CDH12: variants seen among roughly 807,000 people sequenced by gnomAD.
CDH12 encodes the protein cadherin 12.
In CDH12, 41 loss-of-function variants were observed where a neutral mutation model predicts 74.1. The ratio of observed to expected loss-of-function variants is 0.55; its 90% CI spans 0.43 to 0.72. CDH12 has a LOEUF of 0.72. Ranked by LOEUF, CDH12 falls within the 30% of genes least tolerant of loss-of-function variation. The probability of loss-of-function intolerance (pLI) is 0.00; values close to 1 mark genes in which losing one functional copy is unlikely to be tolerated. For missense variants in CDH12, 945 were observed against 977.2 expected (o/e 0.97, Z 0.44); for synonymous variants, 399 against 355.0 (o/e 1.12, Z -1.39).
chr5:22,602,429 G>T (rs1736895550), intron 1 of CDH12, among the ~76,000 whole-genome samples: 1 of 152,016 alleles, frequency 6.6e-6, no homozygotes, highest in African/African-American at 2.4e-5. Context: ...ACAAACAAAA[G>T]GAAAGCAAGT....
intron 3 of CDH12, among the ~76,000 whole-genome samples, chr5:22,265,327 A>G (rs917189646): frequency 1.3e-5 from 2 of 152,184 alleles, no homozygotes; most frequent in African/African-American, 4.8e-5. Flanking sequence ...TTCCCTTGTC[A>G]ATTAGTTTCA....
chr5:22,027,185 G>A (rs1205971815), intron 5 of CDH12, among the ~76,000 whole-genome samples: 1 of 152,052 alleles, frequency 6.6e-6, no homozygotes, highest in Non-Finnish European at 1.5e-5. Context: ...TGGTGGATAA[G>A]CTTTTTGATG....
chr5:22,384,515 A>G (rs13358811), intron 3 of CDH12, among the ~76,000 whole-genome samples: 106,712 of 128,388 alleles, frequency 0.83, 44,544 homozygotes, highest in African/African-American at 0.86. Flanking sequence ...CACAGAGCGA[A>G]ACTCCGTCTC....
At chr5:22,211,400 GGTAA>G (rs1468438757) in intron 4 of CDH12, among the ~76,000 whole-genome samples, 1 of 151,948 alleles carries the variant, frequency 6.6e-6, no homozygotes, top group Non-Finnish European at 1.5e-5. Context: ...ACAATATCAA[GGTAA>G]GTGATTGCTA....
Position 22,628,240 on chromosome 5 carries a change from C to T in CDH12, c.-522-122876G>A, listed in dbSNP as rs968925435. Among the ~76,000 whole-genome samples the T allele has an allele frequency of 3.9e-5, 6 of 152,070 alleles. No homozygotes were observed. The East Asian group carries it at 9.7e-4, about 24-fold the overall frequency. ...TTCAGGACTCAAACTCGACACTTGA[C>T]CATATAGACCTAACAGACATCTAAA... On this transcript the variant is annotated intron_variant, in intron 1 of 14. Coordinates refer to ENST00000382254, the MANE Select transcript of CDH12 (RefSeq NM_004061.5).
chr5:22,722,786 G>A (rs1182222237), intron 1 of CDH12, among the ~76,000 whole-genome samples: 1 of 152,152 alleles, frequency 6.6e-6, no homozygotes, highest in Non-Finnish European at 1.5e-5. Context: ...GAATGAATGT[G>A]CAGATGAAAA....
chr5:22,177,682 C>G (rs1357865381), intron 4 of CDH12, among the ~76,000 whole-genome samples: 10 of 152,064 alleles, frequency 6.6e-5, no homozygotes. Flanking sequence ...AGCAACCTCT[C>G]TCTGTGAGAC....
intron 3 of CDH12, among the ~76,000 whole-genome samples, chr5:22,385,823 A>G (rs1354556859): frequency 6.6e-6 from 1 of 151,820 alleles, no homozygotes; most frequent in Non-Finnish European, 1.5e-5. Flanking sequence ...CAGAAGGGGA[A>G]GCAGGCACAT....
At chr5:22,499,074 T>C (rs1747230309) in intron 2 of CDH12, among the ~76,000 whole-genome samples, 2 of 151,490 alleles carry the variant, frequency 1.3e-5, no homozygotes, top group Admixed American at 6.6e-5. Context: ...CGGCTAATTT[T>C]TTTTTTTTTT....
chr5:22,713,555 C>A (rs943953706), intron 1 of CDH12, among the ~76,000 whole-genome samples: 16 of 151,272 alleles, frequency 1.1e-4, no homozygotes, highest in African/African-American at 2.7e-4. Context: ...ATGAAAAATG[C>A]TGGAAAAATG....
chr5:22,781,989 G>C (rs1283598384), intron 1 of CDH12, among the ~76,000 whole-genome samples: 3 of 152,052 alleles, frequency 2.0e-5, no homozygotes, highest in African/African-American at 7.2e-5. Context: ...CCTTTGTTTG[G>C]CCAATTTCTC....
intron 6 of CDH12, among the ~76,000 whole-genome samples, chr5:21,967,316 T>C (rs180775187): frequency 2.8e-4 from 42 of 152,148 alleles, no homozygotes; most frequent in African/African-American, 9.4e-4. Context: ...ATAAATAGAA[T>C]AGAGCAAACA....
chr5:22,139,264 G>A (rs960496298), intron 4 of CDH12: 38 of 149,546 alleles, frequency 2.5e-4, no homozygotes, highest in African/African-American at 9.2e-4. Context: ...TTGTAGGTGA[G>A]TGTTTAGCGA....
At chr5:22,775,777 A>C (rs956156540) in intron 1 of CDH12, among the ~76,000 whole-genome samples, 2 of 152,072 alleles carry the variant, frequency 1.3e-5, no homozygotes, top group Non-Finnish European at 2.9e-5. Flanking sequence ...ACTAACTGAT[A>C]TGGTTTGACT....
intron 1 of CDH12, among the ~76,000 whole-genome samples, chr5:22,689,360 G>C (rs1209793965): frequency 6.6e-6 from 1 of 152,090 alleles, no homozygotes; most frequent in Non-Finnish European, 1.5e-5. Context: ...CATTATAATG[G>C]ATACACTGGA....
intron 4 of CDH12, among the ~76,000 whole-genome samples, chr5:22,127,221 C>T (rs1210949711): frequency 6.6e-6 from 1 of 151,874 alleles, no homozygotes; most frequent in Admixed American, 6.6e-5. Context: ...TGGCTGGGCA[C>T]GGTGGCTCAA....
At chr5:22,201,416 C>T (rs1750918645) in intron 4 of CDH12, among the ~76,000 whole-genome samples, 1 of 152,116 alleles carries the variant, frequency 6.6e-6, no homozygotes, top group African/African-American at 2.4e-5. Flanking sequence ...CGTGAAATAA[C>T]TCAGAAACAG....
At chr5:22,560,031 G>A (rs1425368622) in intron 1 of CDH12, among the ~76,000 whole-genome samples, 2 of 152,106 alleles carry the variant, frequency 1.3e-5, no homozygotes, top group African/African-American at 4.8e-5. Context: ...CAATCAATTT[G>A]TGCATCAACT....
intron 6 of CDH12, among the ~76,000 whole-genome samples, chr5:21,897,780 A>T (rs1287157613): frequency 6.6e-6 from 1 of 152,230 alleles, no homozygotes; most frequent in Non-Finnish European, 1.5e-5. Context: ...AAAAAATACA[A>T]ATAAAAGCTA....
Sources: allele counts gnomAD v4.1 joint callset (sites outside exome capture counted in the v4.1 genomes callset), GRCh38; gene constraint gnomAD v4.1.1; transcripts MANE v1.5; gene names NCBI Gene and HGNC (gene_info 2026-07-23, HGNC 2026-07-21).